The following DOCK8 variants were observed in gnomAD, a reference collection of about 807,000 sequenced individuals.
DOCK8 encodes the protein dedicator of cytokinesis 8.
Under a neutral mutation model 245.6 loss-of-function variants are expected in DOCK8, and 141 were observed. That is an observed-to-expected ratio of 0.57 (90% CI 0.50 to 0.66). The LOEUF (loss-of-function observed/expected upper bound fraction) is 0.66. Ranked by LOEUF, DOCK8 falls within the 30% of genes least tolerant of loss-of-function variation. The pLI, the probability that DOCK8 is intolerant of heterozygous loss-of-function variation, is 0.00. For missense variants in DOCK8, 2,965 were observed against 2,603.4 expected (o/e 1.14, Z -3.02); for synonymous variants, 1,168 against 970.2 (o/e 1.20, Z -3.79).
rs1228140081 is a variant in DOCK8 at position 382,487 on chromosome 9, ACATGTCTCTGCCTGGTGGGGTGCAGGCG to A, written c.2606-24_2609del. On this transcript the variant is annotated splice_acceptor_variant and splice_polypyrimidine_tract_variant and coding_sequence_variant and intron_variant, in exon 22 of 48. Transcript: ENST00000432829. LOFTEE classifies it high-confidence loss of function. ...AGTAACTCTGTTCCCCTGTCTGTTG[ACATGTCTCTGCCTGGTGGGGTGCAGGCG>A]CTCCCACTGCCCTCCTAGACCCTCG... is the stretch of plus-strand genomic sequence containing the variant. 6.2e-7 allele frequency: 1 copy of A among 1,612,872 alleles called. No homozygotes were observed. The highest frequency in any genetic ancestry group is 1.7e-5 in the Admixed American group (1 of 59,976).
At chr9:330,583 A>G (rs1044734275) in intron 9 of DOCK8, among the ~76,000 whole-genome samples, 1 of 152,210 alleles carries the variant, frequency 6.6e-6, no homozygotes, top group East Asian at 1.9e-4. Context: ...AAGAAAATTG[A>G]AATAATGTAT....
At chr9:280,874 C>T (rs1260089602) in intron 2 of DOCK8, 3 of 152,220 alleles carry the variant, frequency 2.0e-5, no homozygotes, top group African/African-American at 7.2e-5. Context: ...TCAGCCTAGC[C>T]ACGTTGACAC....
At chr9:367,001 G>A (rs551441412) in intron 14 of DOCK8, among the ~76,000 whole-genome samples, 8 of 152,236 alleles carry the variant, frequency 5.3e-5, no homozygotes, top group African/African-American at 1.7e-4. Flanking sequence ...TGAATTCCCC[G>A]CTCTGCCATT....
intron 4 of DOCK8, among the ~76,000 whole-genome samples, chr9:300,712 A>G (rs955592475): frequency 2.0e-5 from 3 of 152,174 alleles, no homozygotes; most frequent in African/African-American, 7.2e-5. Flanking sequence ...AGACTGTTAT[A>G]AATACCCCTA....
Position 338,954 on chromosome 9 carries a change from A to G in DOCK8, c.1423-52A>G. ...ATCTTCCCAGAAATCGTTTGTCCCCAACCCAAGAGTCAAAGGTGCATCTAC... is the reference window on the plus strand; with the variant it reads ...ATCTTCCCAGAAATCGTTTGTCCCCGACCCAAGAGTCAAAGGTGCATCTAC... On this transcript the variant is annotated intron_variant, in intron 12 of 47. Coordinates refer to ENST00000432829, the MANE Select transcript of DOCK8 (RefSeq NM_203447.4). 2.6e-6 allele frequency: 4 copies of G among 1,512,588 alleles called. 1 individual carries two copies. In the South Asian group the frequency reaches 4.5e-5, roughly 17 times the overall value. The allele number at this position is 1,512,588 out of a possible 1,614,324, so 93.7% of individuals were successfully genotyped here. A position where few individuals can be genotyped will look rare whatever the true frequency, so the allele number is the denominator to read the frequency against.
At chr9:408,628 A>G (rs1360093880) in intron 28 of DOCK8, among the ~76,000 whole-genome samples, 1 of 152,244 alleles carries the variant, frequency 6.6e-6, no homozygotes, top group Non-Finnish European at 1.5e-5. Flanking sequence ...AAACATGTAC[A>G]TACATTTTCT....
At chr9:415,005 C>T (rs2055925574) in intron 29 of DOCK8, 54 bp downstream of exon 29, 7 of 1,603,258 alleles carry the variant, frequency 4.4e-6, no homozygotes, top group Middle Eastern at 4.5e-4. Flanking sequence ...TGCCAAATGC[C>T]CCATCCGAAT....
intron 44 of DOCK8, among the ~76,000 whole-genome samples, chr9:447,368 A>G (rs2057298072): frequency 1.3e-5 from 2 of 152,152 alleles, no homozygotes; most frequent in Admixed American, 1.3e-4. Flanking sequence ...TGCTGATCAC[A>G]ATTCAGCATT....
chr9:242,810 GT>G (rs34167682), intron 1 of DOCK8, among the ~76,000 whole-genome samples: 525 of 140,870 alleles, frequency 3.7e-3, no homozygotes, highest in African/African-American at 9.5e-3. Flanking sequence ...TGTTGAGCTT[GT>G]TTTTTTTTTT....
intron 1 of DOCK8, among the ~76,000 whole-genome samples, chr9:243,112 A>G (rs1293025230): frequency 6.6e-6 from 1 of 152,164 alleles, no homozygotes. Context: ...CACTTTATCA[A>G]AACTAGAAAC....
chr9:401,097 T>C (rs35219384), intron 26 of DOCK8, among the ~76,000 whole-genome samples: 38,831 of 144,286 alleles, frequency 0.27, 6,172 homozygotes, highest in East Asian at 0.54. Flanking sequence ...TCCACCACCA[T>C]CACCACCTCT....
intron 14 of DOCK8, among the ~76,000 whole-genome samples, chr9:349,686 A>C (rs570139680): frequency 6.6e-6 from 1 of 152,332 alleles, no homozygotes; most frequent in East Asian, 1.9e-4. Flanking sequence ...ACTTCTGTCA[A>C]TCAGCTCACA....
rs143714296 is a variant in DOCK8, at chr9:367,000, C to T, written c.1680-1018C>T. 8.4e-4 allele frequency among the ~76,000 whole-genome samples: 128 copies of T among 152,248 alleles called. No homozygotes were observed. The Middle Eastern group carries it at 0.034, about 40-fold the overall frequency. ...ACTAGACAGTCTGGGTTGAATTCCCCGCTCTGCCATTTAGTTATATGATAT... is the reference window on the plus strand; with the variant it reads ...ACTAGACAGTCTGGGTTGAATTCCCTGCTCTGCCATTTAGTTATATGATAT... On this transcript the variant is annotated intron_variant, in intron 14 of 47. Coordinates refer to ENST00000432829, the MANE Select transcript of DOCK8 (RefSeq NM_203447.4).
intron 2 of DOCK8, chr9:277,023 G>C (rs763878294): frequency 3.3e-6 from 1 of 306,104 alleles, no homozygotes. Context: ...TGTCCAGGCT[G>C]GTCTTGAACT....
intron 4 of DOCK8, among the ~76,000 whole-genome samples, chr9:303,743 C>T (rs1586648021): frequency 6.6e-6 from 1 of 152,156 alleles, no homozygotes; most frequent in African/African-American, 2.4e-5. Flanking sequence ...ACCTAAGTGA[C>T]ATGCAATTTA....
chr9:372,290 A>G lies in DOCK8; in HGVS notation c.2109+4A>G. ...CTACTCCATGCATTCTGCTGAGGTAATTGGCAAGCTGGCCATCAGCTGTTT... is the reference window on the plus strand; with the variant it reads ...CTACTCCATGCATTCTGCTGAGGTAGTTGGCAAGCTGGCCATCAGCTGTTT... On this transcript the variant is annotated splice_donor_region_variant and intron_variant, in intron 18 of 47. Coordinates refer to ENST00000432829, the MANE Select transcript of DOCK8 (RefSeq NM_203447.4). 1.2e-6 allele frequency: 2 copies of G among 1,611,528 alleles called. No individual in the cohort carries two copies. The highest frequency in any genetic ancestry group is 1.7e-6 in the Non-Finnish European group (2 of 1,177,798).
At chr9:416,307 C>T (rs2056007802) in intron 29 of DOCK8, among the ~76,000 whole-genome samples, 1 of 152,178 alleles carries the variant, frequency 6.6e-6, no homozygotes, top group Admixed American at 6.5e-5. Context: ...ACTTGTAGCC[C>T]ATTTTGAGAA....
chr9:316,745 A>G (rs553869647), intron 6 of DOCK8, among the ~76,000 whole-genome samples: 16 of 152,320 alleles, frequency 1.1e-4, no homozygotes, highest in South Asian at 8.3e-4. Flanking sequence ...AGATTTTGCA[A>G]TGCCATCTGG....
At chr9:329,200 T>C (rs974452480) in intron 9 of DOCK8, among the ~76,000 whole-genome samples, 1 of 152,100 alleles carries the variant, frequency 6.6e-6, no homozygotes, top group African/African-American at 2.4e-5. Flanking sequence ...GATTCACCTG[T>C]ATTTGGTTCC....
Sources: allele counts gnomAD v4.1 joint callset (sites outside exome capture counted in the v4.1 genomes callset), GRCh38; gene constraint gnomAD v4.1.1; transcripts MANE v1.5; gene names NCBI Gene and HGNC (gene_info 2026-07-23, HGNC 2026-07-21).